The following NGEF variants were observed in gnomAD, a reference collection of about 807,000 sequenced individuals.
NGEF encodes neuronal guanine nucleotide exchange factor, also known as ephexin-1.
In NGEF, 31 loss-of-function variants were observed where a neutral mutation model predicts 80.9. That is an observed-to-expected ratio of 0.38 (90% CI 0.29 to 0.52). The LOEUF is 0.52. NGEF is among the 20% of genes least tolerant of loss of function. The probability of loss-of-function intolerance (pLI) is 0.84; values close to 1 mark genes in which losing one functional copy is unlikely to be tolerated. For missense variants in NGEF, 709 were observed against 926.2 expected (o/e 0.77, Z 3.04); for synonymous variants, 371 against 370.2 (o/e 1.00, Z -0.03).
chr2:232,952,513 T>A (rs548982861), intron 3 of NGEF, among the ~76,000 whole-genome samples: 50 of 152,346 alleles, frequency 3.3e-4, no homozygotes, highest in Admixed American at 8.5e-4. Flanking sequence ...CAAGTGCCTT[T>A]TAATAGAGAT....
rs1423772925 is a variant in NGEF, at chr2:232,883,327, G to A, written c.1741C>T (p.Leu581=). Residue 581 remains leucine, a synonymous_variant, in exon 12 of 15, where the codon CTA becomes TTA. Coordinates refer to ENST00000264051, the MANE Select transcript of NGEF (RefSeq NM_019850.3). ...GGCACTCACTGAGAGGACGCCTTTA[G>A]CATGTAGGTGGCCTCCCGGTCATCT... The part of the protein sequence containing the change: ...NADDREATYM[L]KASSQSEMKR... 1 of 1,608,574 alleles carries A rather than the reference G, an allele frequency of 6.2e-7. No individual in the cohort carries two copies.
chr2:232,965,976 C>T (rs1024018860), intron 3 of NGEF, among the ~76,000 whole-genome samples: 1 of 152,214 alleles, frequency 6.6e-6, no homozygotes, highest in African/African-American at 2.4e-5. Flanking sequence ...GCACCACCTG[C>T]ATGGGTCTTG....
Position 232,879,488 on chromosome 2 carries a change from G to T in NGEF, c.*1C>A, listed in dbSNP as rs780481703. The T allele has an allele frequency of 3.7e-6, 6 of 1,606,466 alleles. No homozygotes were observed. In the Admixed American group the frequency reaches 6.7e-5, roughly 18 times the overall value. ...GCTCCCGCTGGCCCCCTGGGTGGGG[G>T]TCATTGCCGATTCCGGCTGCCCAGC... On this transcript the variant is annotated 3_prime_UTR_variant, in exon 15 of 15. Transcript: ENST00000264051.
chr2:232,937,319 C>T (rs1228224724), intron 3 of NGEF, among the ~76,000 whole-genome samples: 1 of 152,290 alleles, frequency 6.6e-6, no homozygotes, highest in Non-Finnish European at 1.5e-5. Flanking sequence ...GCCTTCCTTT[C>T]CTCTGGTCTC....
At chr2:232,992,101 T>C (rs1694662083) in intron 1 of NGEF, among the ~76,000 whole-genome samples, 1 of 152,152 alleles carries the variant, frequency 6.6e-6, no homozygotes, top group Non-Finnish European at 1.5e-5. Flanking sequence ...AACCTAGTTG[T>C]AAGGGGTAAA....
chr2:232,914,897 A>G (rs1692762684), intron 5 of NGEF, among the ~76,000 whole-genome samples: 1 of 149,894 alleles, frequency 6.7e-6, no homozygotes, highest in African/African-American at 2.5e-5. Flanking sequence ...CACGCCTGTA[A>G]TCCCAGCTAC....
At chr2:232,909,067 C>T (rs1040103915) in intron 5 of NGEF, among the ~76,000 whole-genome samples, 3 of 152,206 alleles carry the variant, frequency 2.0e-5, no homozygotes, top group Admixed American at 2.0e-4. Context: ...TTCTCTCCTA[C>T]TCCTTTCCTC....
chr2:232,954,360 G>A (rs575271060), intron 3 of NGEF, among the ~76,000 whole-genome samples: 2 of 152,150 alleles, frequency 1.3e-5, no homozygotes, highest in African/African-American at 4.8e-5. Context: ...TAATAGAAAA[G>A]ATGGATAAGT....
At position 232,956,672 on chromosome 2, in the gene NGEF, CAGG is replaced by C. The variant is rs1693839470; in HGVS notation, c.383+13539_383+13541del. Among the ~76,000 whole-genome samples the C allele has an allele frequency of 2.7e-5, 4 of 150,438 alleles. No homozygotes were observed. In the South Asian group the frequency reaches 8.3e-4, roughly 31 times the overall value. On this transcript the variant is annotated intron_variant, in intron 3 of 14. Coordinates refer to ENST00000264051, the MANE Select transcript of NGEF (RefSeq NM_019850.3). ...ATCCCAGCTACTTGGGAGGCTGAGG[CAGG>C]AGAATTGCTCAATCGCTCAAACCCA...
At chr2:232,947,334 C>T (rs1035755819) in intron 3 of NGEF, among the ~76,000 whole-genome samples, 4 of 152,170 alleles carry the variant, frequency 2.6e-5, no homozygotes, top group African/African-American at 7.2e-5. Context: ...AGACCCAACT[C>T]CCAGTTTGAA....
Position 232,954,652 on chromosome 2 carries a change from G to A in NGEF, c.383+15562C>T, listed in dbSNP as rs185428951. 4.6e-5 allele frequency among the ~76,000 whole-genome samples: 7 copies of A among 151,898 alleles called. No individual in the cohort carries two copies. The East Asian group carries it at 1.4e-3, about 29-fold the overall frequency. On this transcript the variant is annotated intron_variant, in intron 3 of 14. Coordinates refer to ENST00000264051, the MANE Select transcript of NGEF (RefSeq NM_019850.3). ...AGGCAGGACAATGGAGTGAACCTGG[G>A]AGGCAGAGCTTGCAGTGAGCCGAGA...
chr2:232,961,106 C>T (rs1280934766), intron 3 of NGEF, among the ~76,000 whole-genome samples: 1 of 152,184 alleles, frequency 6.6e-6, no homozygotes, highest in African/African-American at 2.4e-5. Flanking sequence ...AGGATGGGCA[C>T]TGACTACCAA....
intron 3 of NGEF, among the ~76,000 whole-genome samples, chr2:232,960,082 T>C (rs1454462105): frequency 6.6e-6 from 1 of 152,246 alleles, no homozygotes; most frequent in Non-Finnish European, 1.5e-5. Context: ...CAATTCCCTC[T>C]GGCCATTGCC....
At chr2:232,982,442 A>T (rs115416290) in intron 1 of NGEF, among the ~76,000 whole-genome samples, 1 of 152,158 alleles carries the variant, frequency 6.6e-6, no homozygotes, top group African/African-American at 2.4e-5. Context: ...GATCACCTAC[A>T]TCATTTCCAC....
At chr2:232,986,969 G>A (rs1214156024) in intron 1 of NGEF, among the ~76,000 whole-genome samples, 1 of 152,120 alleles carries the variant, frequency 6.6e-6, no homozygotes, top group Non-Finnish European at 1.5e-5. Flanking sequence ...TATACAGCAG[G>A]AAGCATAAAT....
chr2:232,952,840 T>G (rs1205953076), intron 3 of NGEF, among the ~76,000 whole-genome samples: 5 of 150,124 alleles, frequency 3.3e-5, no homozygotes, highest in Non-Finnish European at 7.4e-5. Flanking sequence ...GTGGTGGCAG[T>G]CACCTGTAAT....
intron 1 of NGEF, among the ~76,000 whole-genome samples, chr2:232,993,153 A>ATATATATATATTATATATAT (rs1559238286): frequency 1.2e-5 from 1 of 85,030 alleles, no homozygotes; most frequent in African/African-American, 5.3e-5. Flanking sequence ...ATATATGGGC[A>ATATATATATATTATATATAT]AATATATATA....
chr2:232,886,205 A>G (rs1167999001), intron 9 of NGEF, among the ~76,000 whole-genome samples: 1 of 74,432 alleles, frequency 1.3e-5, no homozygotes, highest in South Asian at 3.0e-4. Context: ...TGTGTGTGCT[A>G]TGCATACTGT....
At chr2:232,926,269 G>A (rs1223340379) in intron 4 of NGEF, among the ~76,000 whole-genome samples, 2 of 152,024 alleles carry the variant, frequency 1.3e-5, no homozygotes, top group Non-Finnish European at 2.9e-5. Context: ...TTCAGAGTAA[G>A]GGAACCTATA....
Sources: allele counts gnomAD v4.1 joint callset (sites outside exome capture counted in the v4.1 genomes callset), GRCh38; gene constraint gnomAD v4.1.1; transcripts MANE v1.5; gene names NCBI Gene and HGNC (gene_info 2026-07-23, HGNC 2026-07-21).